ZMAT4: variants seen among roughly 807,000 people sequenced by gnomAD.
ZMAT4 encodes the protein zinc finger matrin-type protein 4.
ZMAT4 carries 17 observed loss-of-function variants against 28.7 expected under a neutral mutation model. The observed-to-expected ratio is 0.59, with a 90% confidence interval of 0.41 to 0.89. The LOEUF (loss-of-function observed/expected upper bound fraction) is 0.89. ZMAT4 is among the 40% of genes least tolerant of loss of function. The probability of loss-of-function intolerance (pLI) is 0.00; values close to 1 mark genes in which losing one functional copy is unlikely to be tolerated. For missense variants in ZMAT4, 240 were observed against 283.8 expected (o/e 0.85, Z 1.11); for synonymous variants, 117 against 109.2 (o/e 1.07, Z -0.44).
intron 5 of ZMAT4, among the ~76,000 whole-genome samples, chr8:40,647,543 G>A (rs1807392156): frequency 6.6e-6 from 1 of 152,322 alleles, no homozygotes; most frequent in South Asian, 2.1e-4. Context: ...AAACAAAGCA[G>A]CTGGGAAGCT....
chr8:40,773,974 T>C (rs1813490571), intron 2 of ZMAT4, among the ~76,000 whole-genome samples: 1 of 151,962 alleles, frequency 6.6e-6, no homozygotes, highest in Non-Finnish European at 1.5e-5. Flanking sequence ...ATAGAGTCAA[T>C]AATTTGGGAC....
chr8:40,731,528 C>A (rs146750219), intron 3 of ZMAT4, among the ~76,000 whole-genome samples: 2,336 of 151,948 alleles, frequency 0.015, 214 homozygotes, highest in Admixed American at 0.14. Flanking sequence ...AAATTATCAA[C>A]AAAAAGGAAA....
At chr8:40,876,426 C>T (rs1818043355) in intron 1 of ZMAT4, among the ~76,000 whole-genome samples, 1 of 152,144 alleles carries the variant, frequency 6.6e-6, no homozygotes, top group Non-Finnish European at 1.5e-5. Context: ...GATCCTCCTA[C>T]CTCAGCTTCC....
chr8:40,849,298 A>G (rs188838888), intron 1 of ZMAT4, among the ~76,000 whole-genome samples: 156 of 152,336 alleles, frequency 1.0e-3, no homozygotes, highest in African/African-American at 3.5e-3. Flanking sequence ...AAACACAGCC[A>G]GGCACTCCAC....
intron 1 of ZMAT4, among the ~76,000 whole-genome samples, chr8:40,893,567 C>T (rs1440850324): frequency 6.6e-6 from 1 of 152,184 alleles, no homozygotes; most frequent in Non-Finnish European, 1.5e-5. Flanking sequence ...GCGAAGGCCG[C>T]CGTTTCCCAC....
intron 5 of ZMAT4, among the ~76,000 whole-genome samples, chr8:40,622,494 A>G (rs551714509): frequency 6.6e-6 from 1 of 152,248 alleles, no homozygotes; most frequent in Non-Finnish European, 1.5e-5. Context: ...GTGAAGTTGC[A>G]CAAATCTCTT....
intron 1 of ZMAT4, among the ~76,000 whole-genome samples, chr8:40,846,085 T>G (rs1816884199): frequency 6.6e-6 from 1 of 152,140 alleles, no homozygotes; most frequent in South Asian, 2.1e-4. Flanking sequence ...TGTCAAACTT[T>G]CACTAAACAG....
At chr8:40,535,220 G>A (rs549601565) in intron 6 of ZMAT4, among the ~76,000 whole-genome samples, 1 of 152,242 alleles carries the variant, frequency 6.6e-6, no homozygotes, top group East Asian at 1.9e-4. Flanking sequence ...AGCCAGATGA[G>A]AATCACATCT....
rs139107604 is a variant in ZMAT4 at position 40,811,816 on chromosome 8, T to A, written c.102+13759A>T. Among the ~76,000 whole-genome samples, 540 of 152,236 alleles carry A rather than the reference T, an allele frequency of 3.5e-3. 5 individuals carry two copies. The highest frequency in any genetic ancestry group is 0.012 in the African/African-American group (511 of 41,544). On this transcript the variant is annotated intron_variant, in intron 2 of 6. Coordinates refer to ENST00000297737, the MANE Select transcript of ZMAT4 (RefSeq NM_024645.3). ...GATAAGAATGAGATTCACACCCCAATGTCATATAATAACATGTTAAAAATA... is the reference window on the plus strand; with the variant it reads ...GATAAGAATGAGATTCACACCCCAAAGTCATATAATAACATGTTAAAAATA...
chr8:40,889,241 A>C (rs1818578614), intron 1 of ZMAT4, among the ~76,000 whole-genome samples: 1 of 152,248 alleles, frequency 6.6e-6, no homozygotes, highest in African/African-American at 2.4e-5. Context: ...TGCACACTTC[A>C]CACCTGGCTG....
chr8:40,680,558 G>T (rs1001536597), intron 4 of ZMAT4, among the ~76,000 whole-genome samples: 6 of 152,022 alleles, frequency 3.9e-5, no homozygotes, highest in Admixed American at 6.6e-5. Flanking sequence ...GGGGAAGAGG[G>T]TGACACCGTC....
intron 5 of ZMAT4, among the ~76,000 whole-genome samples, chr8:40,618,928 G>A (rs1399314495): frequency 1.3e-5 from 2 of 152,186 alleles, no homozygotes; most frequent in South Asian, 4.1e-4. Context: ...AAATTAGACA[G>A]GTAAGTTTAA....
At chr8:40,659,411 C>T (rs1808086309) in intron 5 of ZMAT4, among the ~76,000 whole-genome samples, 1 of 152,234 alleles carries the variant, frequency 6.6e-6, no homozygotes, top group Admixed American at 6.5e-5. Context: ...TACAGTTTGT[C>T]CAGACTCAAG....
chr8:40,872,276 A>G (rs1817884654), intron 1 of ZMAT4, among the ~76,000 whole-genome samples: 1 of 152,242 alleles, frequency 6.6e-6, no homozygotes, highest in East Asian at 1.9e-4. Context: ...CACAAGGAAG[A>G]AGTCTGAAGG....
intron 4 of ZMAT4, chr8:40,690,839 G>C: frequency 1.1e-6 from 1 of 922,014 alleles, no homozygotes; most frequent in Non-Finnish European, 1.3e-6. Flanking sequence ...AAAAAGAAGA[G>C]AACCAATAAG....
At chr8:40,820,433 ATGTG>A (rs1815721387) in intron 2 of ZMAT4, among the ~76,000 whole-genome samples, 1 of 109,252 alleles carries the variant, frequency 9.2e-6, no homozygotes, top group African/African-American at 3.8e-5. Context: ...GTGTGTGCTT[ATGTG>A]TGTATTTGTG....
intron 1 of ZMAT4, among the ~76,000 whole-genome samples, chr8:40,836,305 G>T (rs1390169720): frequency 2.0e-5 from 3 of 152,076 alleles, no homozygotes; most frequent in Non-Finnish European, 4.4e-5. Context: ...AAGAAGGTGT[G>T]AAAATGTATA....
At chr8:40,789,849 C>G (rs1162558854) in intron 2 of ZMAT4, among the ~76,000 whole-genome samples, 4 of 152,206 alleles carry the variant, frequency 2.6e-5, no homozygotes, top group African/African-American at 7.2e-5. Context: ...ACAATAACTC[C>G]TGTAGCAATC....
chr8:40,802,262 C>A (rs865798625), intron 2 of ZMAT4, among the ~76,000 whole-genome samples: 19 of 152,246 alleles, frequency 1.2e-4, no homozygotes, highest in African/African-American at 4.3e-4. Flanking sequence ...AAAGGTATAC[C>A]TTTTGGGAAG....
Sources: allele counts gnomAD v4.1 joint callset (sites outside exome capture counted in the v4.1 genomes callset), GRCh38; gene constraint gnomAD v4.1.1; transcripts MANE v1.5; gene names NCBI Gene and HGNC (gene_info 2026-07-23, HGNC 2026-07-21).